SND1: variants seen among roughly 807,000 people sequenced by gnomAD.
SND1 encodes staphylococcal nuclease and tudor domain containing 1.
In SND1, 38 loss-of-function variants were observed where a neutral mutation model predicts 121.7. That is an observed-to-expected ratio of 0.31 (90% CI 0.24 to 0.41). The LOEUF (loss-of-function observed/expected upper bound fraction) is 0.41. Ranked by LOEUF, SND1 falls within the 10% of genes least tolerant of loss-of-function variation. The pLI, the probability that SND1 is intolerant of heterozygous loss-of-function variation, is 1.00. For synonymous variants in SND1, 401 were observed against 447.4 expected, an observed-to-expected ratio of 0.90 and a Z score of 1.31; for missense variants, 868 against 1,184.6, an observed-to-expected ratio of 0.73 and a Z score of 3.92.
rs529740985 is a variant in SND1, at chr7:127,946,341, C to T, written c.1669+17012C>T. On this transcript the variant is annotated intron_variant, in intron 15 of 23. Coordinates refer to ENST00000354725, the MANE Select transcript of SND1 (RefSeq NM_014390.4). The stretch of plus-strand genomic sequence containing the variant: ...AAATTAAACTTTAGCCCTGAGTAAG[C>T]AAAGTCCTAAGCCAGTTATTACTGC... Among the ~76,000 whole-genome samples the T allele has an allele frequency of 4.0e-3, 604 of 152,316 alleles. 3 individuals are homozygous for T. Among genetic ancestry groups the T allele is most frequent in the Admixed American group, 6.5e-3 (100 of 15,300 alleles).
chr7:127,669,509 A>C (rs774224505), intron 1 of SND1, among the ~76,000 whole-genome samples: 1 of 152,178 alleles, frequency 6.6e-6, no homozygotes, highest in Non-Finnish European at 1.5e-5. Context: ...CACTTTCCTC[A>C]GTCACTACCT....
rs115952419 is a variant in SND1, at chr7:128,005,943, C to T, written c.1779+14887C>T. On this transcript the variant is annotated intron_variant, in intron 16 of 23. Coordinates refer to ENST00000354725, the MANE Select transcript of SND1 (RefSeq NM_014390.4). ...CACAGCCTTCCTTTGTTATCTTTTT[C>T]CACAGAATGTAAAATGAGTGTGCTG... 3.1e-3 allele frequency among the ~76,000 whole-genome samples: 472 copies of T among 152,172 alleles called. 2 individuals carry two copies. Among genetic ancestry groups the T allele is most frequent in the African/African-American group, 9.8e-3 (406 of 41,480 alleles).
chr7:127,849,159 A>G (rs958694362), intron 12 of SND1, among the ~76,000 whole-genome samples: 1 of 152,224 alleles, frequency 6.6e-6, no homozygotes, highest in Non-Finnish European at 1.5e-5. Context: ...GAGGCTGTCA[A>G]GATGGCGCTT....
chr7:128,010,880 G>A (rs545969610), intron 16 of SND1, among the ~76,000 whole-genome samples: 95 of 152,278 alleles, frequency 6.2e-4, no homozygotes, highest in African/African-American at 2.2e-3. Context: ...CTGTGGAGCC[G>A]CCAACACTGC....
At chr7:127,891,982 A>C (rs1800017244) in intron 13 of SND1, among the ~76,000 whole-genome samples, 1 of 152,146 alleles carries the variant, frequency 6.6e-6, no homozygotes. Context: ...GCAAGGCATC[A>C]TTCTGCTCTG....
At chr7:127,864,132 T>A (rs187305549) in intron 12 of SND1, among the ~76,000 whole-genome samples, 1 of 151,792 alleles carries the variant, frequency 6.6e-6, no homozygotes, top group Admixed American at 6.6e-5. Context: ...TAGTTAGATA[T>A]TTAGGATAAA....
intron 13 of SND1, among the ~76,000 whole-genome samples, chr7:127,892,825 G>A (rs572579592): frequency 1.4e-5 from 2 of 143,916 alleles, no homozygotes; most frequent in Admixed American, 7.3e-5. Context: ...TTTAGGTGCA[G>A]CTGACCCACA....
chr7:127,835,092 A>G (rs981079115), intron 11 of SND1, among the ~76,000 whole-genome samples: 1 of 152,154 alleles, frequency 6.6e-6, no homozygotes, highest in Non-Finnish European at 1.5e-5. Context: ...CAGGCATTCA[A>G]AATCTTTATA....
At chr7:127,967,537 A>C (rs1801882564) in intron 15 of SND1, among the ~76,000 whole-genome samples, 1 of 152,080 alleles carries the variant, frequency 6.6e-6, no homozygotes, top group African/African-American at 2.4e-5. Flanking sequence ...TGCTTCACAA[A>C]CTTCAGCCAG....
intron 10 of SND1, among the ~76,000 whole-genome samples, chr7:127,785,170 C>G (rs1048822586): frequency 3.9e-5 from 6 of 152,120 alleles, no homozygotes; most frequent in African/African-American, 9.7e-5. Flanking sequence ...TGGCCTCCCA[C>G]AGTGCTGGGA....
intron 15 of SND1, among the ~76,000 whole-genome samples, chr7:127,953,218 G>GTA (rs1563068973): frequency 3.3e-5 from 2 of 60,742 alleles, no homozygotes; most frequent in Non-Finnish European, 8.0e-5. Flanking sequence ...GTGTGTGTGT[G>GTA]TGTATGTATG....
chr7:128,029,564 A>C lies in SND1; in HGVS notation c.1779+38508A>C. The C allele has an allele frequency of 6.2e-7, 1 of 1,614,020 alleles. No homozygotes were observed. Among genetic ancestry groups the C allele is most frequent in the Non-Finnish European group, 8.5e-7 (1 of 1,180,014 alleles). ...GACCCTCAGAAATGTTGAGGTCTCG[A>C]GGTGCGTCCATGATGAAGGGGGCAG... is the stretch of plus-strand genomic sequence containing the variant. On this transcript the variant is annotated intron_variant, in intron 16 of 23. Coordinates refer to ENST00000354725, the MANE Select transcript of SND1 (RefSeq NM_014390.4). This position sits in a 1 kb window ranked among gnomAD's most constrained non-coding sequence, Gnocchi z 4.2.
chr7:127,916,041 T>C (rs1375755745), intron 14 of SND1, among the ~76,000 whole-genome samples: 1 of 148,958 alleles, frequency 6.7e-6, no homozygotes, highest in Non-Finnish European at 1.5e-5. Flanking sequence ...TGTTTATGTG[T>C]GTATATGTAT....
At chr7:127,808,434 G>A (rs1798279062) in intron 11 of SND1, among the ~76,000 whole-genome samples, 2 of 152,080 alleles carry the variant, frequency 1.3e-5, no homozygotes, top group Admixed American at 1.3e-4. Flanking sequence ...CAAAGTGCTG[G>A]GATTACAGGC....
chr7:127,917,990 A>C (rs1403115150), intron 14 of SND1, among the ~76,000 whole-genome samples: 1 of 152,052 alleles, frequency 6.6e-6, no homozygotes, highest in African/African-American at 2.4e-5. Context: ...AGGGACAATT[A>C]GTTATCTGAC....
chr7:127,902,089 G>A (rs1461728521), intron 13 of SND1, among the ~76,000 whole-genome samples: 1 of 152,174 alleles, frequency 6.6e-6, no homozygotes, highest in Admixed American at 6.5e-5. Context: ...GTCACAGAAA[G>A]AAAGCAGAAT....
chr7:127,800,837 T>G (rs1798113756), intron 10 of SND1, among the ~76,000 whole-genome samples: 1 of 152,240 alleles, frequency 6.6e-6, no homozygotes, highest in African/African-American at 2.4e-5. Flanking sequence ...GTAACCATTG[T>G]GCATTTTTAT....
chr7:127,930,378 C>T (rs948930123), intron 15 of SND1, among the ~76,000 whole-genome samples: 1 of 152,180 alleles, frequency 6.6e-6, no homozygotes, highest in African/African-American at 2.4e-5. Flanking sequence ...CAGGTAGTTT[C>T]TTGTCTGGAT....
chr7:127,691,373 T>C (rs571547139), intron 2 of SND1, among the ~76,000 whole-genome samples: 2 of 151,776 alleles, frequency 1.3e-5, no homozygotes, highest in South Asian at 4.2e-4. Flanking sequence ...AAACCTTGTC[T>C]CTACTAAAAA....
Sources: allele counts gnomAD v4.1 joint callset (sites outside exome capture counted in the v4.1 genomes callset), GRCh38; gene constraint gnomAD v4.1.1; non-coding constraint Gnocchi (gnomAD v3.1); transcripts MANE v1.5; gene names NCBI Gene and HGNC (gene_info 2026-07-23, HGNC 2026-07-21).